Variants in ZHX2 observed in about 807,000 individuals in gnomAD.
The protein encoded by ZHX2 is zinc fingers and homeoboxes protein 2.
In ZHX2, 6 loss-of-function variants were observed where a neutral mutation model predicts 21.9. The observed-to-expected ratio is 0.27, with a 90% CI of 0.15 to 0.54. ZHX2 has a LOEUF of 0.54. Among genes scored for constraint, ZHX2 ranks in the 20% least tolerant of loss-of-function variants. The pLI is 0.95. For synonymous variants in ZHX2, 434 were observed against 437.1 expected, an observed-to-expected ratio of 0.99 and a Z score of 0.09; for missense variants, 908 against 1,090.7, an observed-to-expected ratio of 0.83 and a Z score of 2.36.
chr8:122,865,619 G>C (rs529231893), intron 2 of ZHX2, among the ~76,000 whole-genome samples: 51 of 152,318 alleles, frequency 3.3e-4, no homozygotes, highest in Non-Finnish European at 6.3e-4. Flanking sequence ...TCCCATCCCA[G>C]CCCTTCCACT....
At chr8:122,852,128 G>A (rs755454712) in intron 1 of ZHX2, among the ~76,000 whole-genome samples, 22 of 152,256 alleles carry the variant, frequency 1.4e-4, no homozygotes, top group Admixed American at 2.6e-4. Flanking sequence ...GGCCCGGAAT[G>A]CTCTAGAAAT....
At chr8:122,865,474 T>G (rs1429261907) in intron 2 of ZHX2, among the ~76,000 whole-genome samples, 1 of 152,192 alleles carries the variant, frequency 6.6e-6, no homozygotes, top group Admixed American at 6.5e-5. Context: ...GGACAGGTAC[T>G]GTGTGCTTGC....
At chr8:122,818,631 C>T (rs547689419) in intron 1 of ZHX2, among the ~76,000 whole-genome samples, 1 of 152,352 alleles carries the variant, frequency 6.6e-6, no homozygotes, top group African/African-American at 2.4e-5. Flanking sequence ...CTGTTAGTCT[C>T]TCACACAGGC....
chr8:122,967,205 G>A (rs915231987), intron 3 of ZHX2, among the ~76,000 whole-genome samples: 5 of 152,178 alleles, frequency 3.3e-5, no homozygotes, highest in African/African-American at 1.2e-4. Flanking sequence ...GTGATCTTAT[G>A]GGAGTGTTTT....
Position 122,782,802 on chromosome 8 carries a change from G to A in ZHX2, c.-283+856G>A, listed in dbSNP as rs1390044689. Reference sequence around the variant, plus strand: ...TGCCAGCTGGCCGGAGCCTCTGCCAGCCCGAGCCCACGTTCGCCCCCCTGA... The same window carrying A: ...TGCCAGCTGGCCGGAGCCTCTGCCAACCCGAGCCCACGTTCGCCCCCCTGA... On this transcript the variant is annotated intron_variant, in intron 1 of 3. Coordinates refer to ENST00000314393, the MANE Select transcript of ZHX2 (RefSeq NM_014943.5). The surrounding 1 kb of genome is among the most constrained non-coding windows in gnomAD (Gnocchi z 5.3). Among the ~76,000 whole-genome samples, 1 of 152,192 alleles carries A rather than the reference G, an allele frequency of 6.6e-6. No individual in the cohort carries two copies. The highest frequency in any genetic ancestry group is 1.5e-5 in the Non-Finnish European group (1 of 68,022).
intron 2 of ZHX2, among the ~76,000 whole-genome samples, chr8:122,924,269 C>T (rs1187753921): frequency 6.6e-6 from 1 of 152,176 alleles, no homozygotes; most frequent in Non-Finnish European, 1.5e-5. Flanking sequence ...GCACCTCAGG[C>T]TTCCTTGGCT....
intron 2 of ZHX2, among the ~76,000 whole-genome samples, chr8:122,884,179 T>C (rs942589447): frequency 6.6e-6 from 1 of 152,180 alleles, no homozygotes; most frequent in Non-Finnish European, 1.5e-5. Context: ...AAAAGTACAG[T>C]CAAAATACAG....
At chr8:122,915,732 C>T (rs1356347998) in intron 2 of ZHX2, among the ~76,000 whole-genome samples, 1 of 152,178 alleles carries the variant, frequency 6.6e-6, no homozygotes, top group Non-Finnish European at 1.5e-5. Context: ...GTCTCATTTG[C>T]AACAGACTTG....
chr8:122,883,109 G>A (rs1021367813), intron 2 of ZHX2, among the ~76,000 whole-genome samples: 8 of 152,098 alleles, frequency 5.3e-5, no homozygotes, highest in Middle Eastern at 3.4e-3. Flanking sequence ...CCAAGATCTC[G>A]CCCTTCCCTT....
Position 122,955,074 on chromosome 8 carries a change from G to GC in ZHX2, c.*4+1046_*4+1047insC, listed in dbSNP as rs1382942491. Among the ~76,000 whole-genome samples the GC allele has an allele frequency of 5.9e-5, 8 of 134,982 alleles. 1 individual carries two copies. The highest frequency in any genetic ancestry group is 1.3e-4 in the Non-Finnish European group (8 of 61,150). The allele number at this position is 134,982 out of a possible 152,430, so 88.6% of individuals were successfully genotyped here. On this transcript the variant is annotated intron_variant, in intron 3 of 3. Coordinates refer to ENST00000314393, the MANE Select transcript of ZHX2 (RefSeq NM_014943.5). Reference sequence around the variant, plus strand: ...GCCTGTAGAGTCACATAAGCCGGGGGGGGGGGGGTGGCAGGGCGGTTTCCA... The same window carrying GC: ...GCCTGTAGAGTCACATAAGCCGGGGGCGGGGGGGGTGGCAGGGCGGTTTCCA...
chr8:122,878,707 CA>C (rs1466388566), intron 2 of ZHX2, among the ~76,000 whole-genome samples: 2 of 152,082 alleles, frequency 1.3e-5, no homozygotes, highest in Non-Finnish European at 2.9e-5. Context: ...GGTGACATGT[CA>C]AAAGGCAGGA....
rs180878938 is a variant in ZHX2, at chr8:122,937,637, T to G, written c.-219-13655T>G. 3.3e-3 allele frequency among the ~76,000 whole-genome samples: 501 copies of G among 151,932 alleles called. 6 individuals are homozygous for G. Among genetic ancestry groups the G allele is most frequent in the African/African-American group, 0.012 (485 of 41,410 alleles). ...CTCTGTCACCCAGGCTGGAGTGCTG[T>G]GGCGCTGTCTCGGCTTACTGCAACC... On this transcript the variant is annotated intron_variant, in intron 2 of 3. Coordinates refer to ENST00000314393, the MANE Select transcript of ZHX2 (RefSeq NM_014943.5).
chr8:122,946,676 A>G (rs1372742917), intron 2 of ZHX2, among the ~76,000 whole-genome samples: 1 of 152,134 alleles, frequency 6.6e-6, no homozygotes. Flanking sequence ...CTGCAGGAGG[A>G]AAGTGTCTTT....
intron 2 of ZHX2, among the ~76,000 whole-genome samples, chr8:122,926,395 G>T (rs766017703): frequency 6.6e-6 from 1 of 152,176 alleles, no homozygotes; most frequent in Non-Finnish European, 1.5e-5. Context: ...CCTGCACTAG[G>T]TAGTAAACTC....
At chr8:122,910,280 A>G (rs988967411) in intron 2 of ZHX2, among the ~76,000 whole-genome samples, 5 of 152,152 alleles carry the variant, frequency 3.3e-5, no homozygotes, top group African/African-American at 1.2e-4. Context: ...TCTCGGCATT[A>G]TCTTGGTTTT....
intron 1 of ZHX2, among the ~76,000 whole-genome samples, chr8:122,823,861 T>A (rs936426737): frequency 3.3e-5 from 5 of 152,222 alleles, no homozygotes; most frequent in African/African-American, 1.2e-4. Flanking sequence ...TATTTACCTG[T>A]TGACTTTTGC....
chr8:122,904,049 G>A (rs1440424670), intron 2 of ZHX2, among the ~76,000 whole-genome samples: 1 of 152,130 alleles, frequency 6.6e-6, no homozygotes, highest in Non-Finnish European at 1.5e-5. Flanking sequence ...ACGTGGTGGT[G>A]AGTTCTCTGG....
chr8:122,884,430 C>T (rs1268271663), intron 2 of ZHX2, among the ~76,000 whole-genome samples: 1 of 152,254 alleles, frequency 6.6e-6, no homozygotes, highest in Admixed American at 6.5e-5. Context: ...TACAGCAGAA[C>T]TGACAGTGCT....
At chr8:122,905,586 A>C (rs1820328189) in intron 2 of ZHX2, among the ~76,000 whole-genome samples, 1 of 152,260 alleles carries the variant, frequency 6.6e-6, no homozygotes, top group South Asian at 2.1e-4. Flanking sequence ...GGAAAGAAGA[A>C]TATGAGGCTG....
Sources: allele counts gnomAD v4.1 joint callset (sites outside exome capture counted in the v4.1 genomes callset), GRCh38; gene constraint gnomAD v4.1.1; non-coding constraint Gnocchi (gnomAD v3.1); transcripts MANE v1.5; gene names NCBI Gene and HGNC (gene_info 2026-07-23, HGNC 2026-07-21).